Variants in PSPH observed in about 807,000 individuals in gnomAD.
PSPH encodes the protein L-3-phosphoserine phosphatase.
In PSPH, 16 loss-of-function variants were observed where a neutral mutation model predicts 23.4. That is an observed-to-expected ratio of 0.68 (90% CI 0.46 to 1.04). The LOEUF (loss-of-function observed/expected upper bound fraction) is 1.04, where lower values mean the gene tolerates loss of function less well. PSPH is among the 50% of genes least tolerant of loss of function. The pLI, the probability that PSPH is intolerant of heterozygous loss-of-function variation, is 0.00. For synonymous variants in PSPH, 68 were observed against 99.7 expected (o/e 0.68, Z 1.89); for missense variants, 223 against 273.7 (o/e 0.81, Z 1.31).
intron 1 of PSPH, among the ~76,000 whole-genome samples, chr7:56,045,444 C>G (rs1793096869): frequency 6.6e-6 from 1 of 152,056 alleles, no homozygotes; most frequent in Non-Finnish European, 1.5e-5. Flanking sequence ...GCCTGGGCAC[C>G]AGAGTGAGAC....
chr7:56,043,489 TA>T (rs1161122245), intron 1 of PSPH, among the ~76,000 whole-genome samples: 2 of 150,970 alleles, frequency 1.3e-5, no homozygotes, highest in Non-Finnish European at 3.0e-5. Context: ...CCCATATCTC[TA>T]AAAATAAATA....
Position 56,015,030 on chromosome 7 carries a change from G to A in PSPH, c.563C>T (p.Pro188Leu). 6.2e-7 allele frequency: 1 copy of A among 1,613,932 alleles called. No homozygotes were observed. The highest frequency in any genetic ancestry group is 8.5e-7 in the Non-Finnish European group (1 of 1,179,958). Residue 188 changes from proline to leucine, a missense_variant, in exon 7 of 8, where the codon CCT (proline) becomes CTT (leucine). Transcript: ENST00000275605. Reference sequence around the variant, plus strand: ...AGCACCCTTAATACATACAGCAGGAGGACAGGCTTCCATATCTGTGGCACC... The same window carrying A: ...AGCACCCTTAATACATACAGCAGGAAGACAGGCTTCCATATCTGTGGCACC... ...GDGATDMEACPPADAFIGFGG... is the reference protein window; with the variant it reads ...GDGATDMEACLPADAFIGFGG...
At chr7:56,032,458 C>A in intron 2 of PSPH, among the ~76,000 whole-genome samples, 1 of 151,540 alleles carries the variant, frequency 6.6e-6, no homozygotes, top group East Asian at 1.9e-4. Context: ...CAGATCAGGA[C>A]CATCCTGGCT....
At chr7:56,034,918 G>A (rs1303311927) in intron 1 of PSPH, among the ~76,000 whole-genome samples, 1 of 139,470 alleles carries the variant, frequency 7.2e-6, no homozygotes, top group Non-Finnish European at 1.5e-5. Context: ...TTTAAATAGA[G>A]ATGGGGGGGG....
At chr7:56,019,958 A>G (rs1037221636) in intron 4 of PSPH, 4 of 631,288 alleles carry the variant, frequency 6.3e-6, no homozygotes, top group African/African-American at 1.8e-5. Context: ...ACTCATGCCC[A>G]TAATCCCAAA....
At chr7:56,020,398 G>T (rs1789202323) in intron 4 of PSPH, among the ~76,000 whole-genome samples, 1 of 150,656 alleles carries the variant, frequency 6.6e-6, no homozygotes, top group Admixed American at 6.6e-5. Context: ...AGCCCAAGGT[G>T]GGCGGATCAC....
At position 56,033,952 on chromosome 7, in the gene PSPH, G is replaced by C. The variant is rs988863847; in HGVS notation, c.-146+9C>G. ...GTTGGGCGCAGGGAAGGCACAAGCCGGGACTTACCCTGTGTCCTGGGCCTC... is the reference window on the plus strand; with the variant it reads ...GTTGGGCGCAGGGAAGGCACAAGCCCGGACTTACCCTGTGTCCTGGGCCTC... On this transcript the variant is annotated intron_variant, in intron 2 of 7. Coordinates refer to ENST00000275605, the MANE Select transcript of PSPH (RefSeq NM_004577.4). 2 of 152,256 alleles carry C rather than the reference G, an allele frequency of 1.3e-5. No homozygotes were observed. Among genetic ancestry groups the C allele is most frequent in the African/African-American group, 4.8e-5 (2 of 41,466 alleles). The allele number at this position is 152,256 out of a possible 1,614,324, so 9.4% of individuals were successfully genotyped here.
At chr7:56,018,521 C>T (rs1380990013) in intron 5 of PSPH, among the ~76,000 whole-genome samples, 1 of 152,062 alleles carries the variant, frequency 6.6e-6, no homozygotes, top group East Asian at 1.9e-4. Flanking sequence ...AGACAACTGG[C>T]CAGACAAGAC....
At chr7:56,018,664 C>CA (rs1407144774) in intron 5 of PSPH, among the ~76,000 whole-genome samples, 13 of 151,760 alleles carry the variant, frequency 8.6e-5, no homozygotes, top group Non-Finnish European at 1.6e-4. Flanking sequence ...CCCATCTCTA[C>CA]AAAAAATATT....
chr7:56,030,730 C>G lies in PSPH; in HGVS notation c.-20+1199G>C, dbSNP rs990993678. Among the ~76,000 whole-genome samples, 2 of 151,762 alleles carry G rather than the reference C, an allele frequency of 1.3e-5. 1 individual carries two copies. The highest frequency in any genetic ancestry group is 4.2e-4 in the South Asian group (2 of 4,794). ...CCTGGCCAACATGGTGAAATGCTGT[C>G]CCTATTAAATATACAAAAATTAGCC... is the stretch of plus-strand genomic sequence containing the variant. On this transcript the variant is annotated intron_variant, in intron 3 of 7. Coordinates refer to ENST00000275605, the MANE Select transcript of PSPH (RefSeq NM_004577.4).
intron 1 of PSPH, among the ~76,000 whole-genome samples, chr7:56,050,006 G>A (rs1266988245): frequency 2.0e-5 from 3 of 152,122 alleles, no homozygotes; most frequent in Non-Finnish European, 4.4e-5. Flanking sequence ...AAAGTACTGG[G>A]ATTACAAGCG....
intron 1 of PSPH, among the ~76,000 whole-genome samples, chr7:56,048,797 T>TTC (rs1793586985): frequency 7.1e-6 from 1 of 141,792 alleles, no homozygotes; most frequent in African/African-American, 2.5e-5. Flanking sequence ...ACACCTGGCT[T>TTC]TTTTTTTTTT....
At chr7:56,030,939 C>T (rs1329640688) in intron 3 of PSPH, among the ~76,000 whole-genome samples, 2 of 151,822 alleles carry the variant, frequency 1.3e-5, no homozygotes, top group Middle Eastern at 3.4e-3. Flanking sequence ...GGGCCGGGCG[C>T]GGTGGCTCAC....
At chr7:56,023,340 C>T (rs574018849) in intron 3 of PSPH, among the ~76,000 whole-genome samples, 46 of 152,088 alleles carry the variant, frequency 3.0e-4, no homozygotes, top group African/African-American at 1.1e-3. Flanking sequence ...CTCACTGCAG[C>T]CTCCAAATCC....
chr7:56,027,995 G>A (rs1213486957), intron 3 of PSPH, among the ~76,000 whole-genome samples: 1 of 150,758 alleles, frequency 6.6e-6, no homozygotes, highest in Non-Finnish European at 1.5e-5. Flanking sequence ...GGAGTTCAAG[G>A]GTGCAGTGAG....
chr7:56,024,967 C>A (rs1004881475), intron 3 of PSPH, among the ~76,000 whole-genome samples: 2 of 151,648 alleles, frequency 1.3e-5, no homozygotes, highest in Non-Finnish European at 2.9e-5. Flanking sequence ...CCACGCCCAG[C>A]TAATTTTTGC....
intron 3 of PSPH, among the ~76,000 whole-genome samples, chr7:56,026,310 T>C (rs1790178353): frequency 6.6e-6 from 1 of 151,258 alleles, no homozygotes; most frequent in South Asian, 2.1e-4. Context: ...ACCCCATCTC[T>C]ACTAAAAATA....
At chr7:56,018,247 G>A (rs1205528012) in intron 5 of PSPH, among the ~76,000 whole-genome samples, 2 of 152,116 alleles carry the variant, frequency 1.3e-5, no homozygotes, top group African/African-American at 2.4e-5. Context: ...GGGAGGCTGA[G>A]GCAGGAGAAT....
At chr7:56,012,623 C>A (rs1478915114) in intron 7 of PSPH, among the ~76,000 whole-genome samples, 12 of 151,662 alleles carry the variant, frequency 7.9e-5, no homozygotes, top group African/African-American at 2.9e-4. Context: ...TCTAAGCTAA[C>A]AGTAAAAAGA....
Sources: allele counts gnomAD v4.1 joint callset (sites outside exome capture counted in the v4.1 genomes callset), GRCh38; gene constraint gnomAD v4.1.1; transcripts MANE v1.5; gene names NCBI Gene and HGNC (gene_info 2026-07-23, HGNC 2026-07-21).